Variants in VAV2 observed in about 807,000 individuals in gnomAD.
VAV2 encodes guanine nucleotide exchange factor VAV2.
In VAV2, 67 loss-of-function variants were observed where a neutral mutation model predicts 132.5. The ratio of observed to expected loss-of-function variants is 0.51; its 90% CI spans 0.42 to 0.62. The LOEUF (loss-of-function observed/expected upper bound fraction) is 0.62, where lower values mean the gene tolerates loss of function less well. Among genes scored for constraint, VAV2 ranks in the 20% least tolerant of loss-of-function variants. The pLI, the probability that VAV2 is intolerant of heterozygous loss-of-function variation, is 0.00. For missense variants in VAV2, 938 were observed against 1,153.6 expected (o/e 0.81, Z 2.71); for synonymous variants, 492 against 443.5 (o/e 1.11, Z -1.37).
intron 4 of VAV2, among the ~76,000 whole-genome samples, chr9:133,821,322 G>A (rs975552772): frequency 3.9e-5 from 6 of 152,248 alleles, no homozygotes; most frequent in Non-Finnish European, 8.8e-5. Context: ...CTTGTTGGCA[G>A]GAACTTGACT....
chr9:133,894,359 C>G (rs1478748615), intron 2 of VAV2, among the ~76,000 whole-genome samples: 1 of 152,228 alleles, frequency 6.6e-6, no homozygotes, highest in Non-Finnish European at 1.5e-5. Flanking sequence ...TCAACAAAGG[C>G]TGGTGACAGG....
intron 8 of VAV2, 115 bp from the exon 9 acceptor site, chr9:133,806,296 G>T: frequency 2.1e-6 from 2 of 951,004 alleles, no homozygotes; most frequent in Non-Finnish European, 3.2e-6. Context: ...GGAGGGGCCC[G>T]GGTGCTGGGC....
At chr9:133,814,059 C>G (rs1322924117) in intron 4 of VAV2, among the ~76,000 whole-genome samples, 2 of 152,270 alleles carry the variant, frequency 1.3e-5, no homozygotes, top group Middle Eastern at 3.4e-3. Flanking sequence ...CTCAGCCGTG[C>G]GGGAGAACTG....
intron 2 of VAV2, among the ~76,000 whole-genome samples, chr9:133,902,733 G>A (rs144506934): frequency 2.6e-3 from 389 of 152,290 alleles, no homozygotes; most frequent in African/African-American, 9.1e-3. Flanking sequence ...TTAAAATGTT[G>A]TCACTGGGGT....
intron 4 of VAV2, among the ~76,000 whole-genome samples, chr9:133,814,074 C>T (rs954221666): frequency 1.3e-4 from 20 of 152,306 alleles, no homozygotes; most frequent in African/African-American, 4.6e-4. Context: ...GAACTGAAGC[C>T]GGGGTAAAGG....
intron 1 of VAV2, among the ~76,000 whole-genome samples, chr9:133,941,895 C>A (rs927641735): frequency 6.6e-6 from 1 of 152,200 alleles, no homozygotes; most frequent in Non-Finnish European, 1.5e-5. Context: ...TGAGCCACCA[C>A]GCCAGGCCGT....
chr9:133,812,397 T>G (rs1220176809), intron 4 of VAV2, among the ~76,000 whole-genome samples, 181 bp from the exon 5 acceptor site: 1 of 152,216 alleles, frequency 6.6e-6, no homozygotes, highest in Non-Finnish European at 1.5e-5. Flanking sequence ...GGGTGCGAAC[T>G]GGGCAGCGTA....
intron 2 of VAV2, among the ~76,000 whole-genome samples, chr9:133,923,194 T>C (rs893091839): frequency 6.6e-6 from 1 of 151,950 alleles, no homozygotes; most frequent in Non-Finnish European, 1.5e-5. Flanking sequence ...AAGACACGTG[T>C]TGGTGAAGAT....
Position 133,992,285 on chromosome 9 carries a change from C to T in VAV2, c.-7G>A. On this transcript the variant is annotated 5_prime_UTR_variant, in exon 1 of 30. Transcript: ENST00000371850. This position sits in a 1 kb window ranked among gnomAD's most constrained non-coding sequence, Gnocchi z 5.5. ...ACTGCCGCCACTGCTCCATGGCGCCCGCGGGCCCGACCGGCTCAGGGCAGT... is the reference window on the plus strand; with the variant it reads ...ACTGCCGCCACTGCTCCATGGCGCCTGCGGGCCCGACCGGCTCAGGGCAGT... The T allele has an allele frequency of 6.5e-7, 1 of 1,534,192 alleles. No homozygotes were observed. Among genetic ancestry groups the T allele is most frequent in the Non-Finnish European group, 8.8e-7 (1 of 1,140,224 alleles).
At chr9:133,957,260 G>A (rs1414406689) in intron 1 of VAV2, among the ~76,000 whole-genome samples, 1 of 149,306 alleles carries the variant, frequency 6.7e-6, no homozygotes, top group African/African-American at 2.4e-5. Flanking sequence ...CTGCTCCCTG[G>A]GATGAAACGG....
chr9:133,802,876 G>A lies in VAV2; in HGVS notation c.836+3205C>T, dbSNP rs1834989545. Among the ~76,000 whole-genome samples the A allele has an allele frequency of 6.6e-6, 1 of 152,214 alleles. No homozygotes were observed. Among genetic ancestry groups the A allele is most frequent in the South Asian group, 2.1e-4 (1 of 4,838 alleles). ...GATGCAGGAACAAGCAAGGTGCACG[G>A]CTGAGCTGCCAGCTCTGGCCTCCGT... On this transcript the variant is annotated intron_variant, in intron 9 of 29. Transcript: ENST00000371850. The surrounding 1 kb of genome is among the most constrained non-coding windows in gnomAD (Gnocchi z 5.8).
intron 9 of VAV2, among the ~76,000 whole-genome samples, chr9:133,805,553 C>T (rs1296811052): frequency 2.6e-5 from 4 of 151,490 alleles, no homozygotes; most frequent in Non-Finnish European, 4.4e-5. Context: ...AGAAACGCCG[C>T]CTCCCCAACC....
At chr9:133,815,936 T>G (rs1835543004) in intron 4 of VAV2, among the ~76,000 whole-genome samples, 1 of 152,158 alleles carries the variant, frequency 6.6e-6, no homozygotes, top group African/African-American at 2.4e-5. Context: ...CTAAAGTGGG[T>G]GCATTCTACA....
In VAV2 at chr9:133,838,114, A is replaced by G. The variant is rs569237599; in HGVS notation, c.381-3774T>C. 2.6e-5 allele frequency among the ~76,000 whole-genome samples: 4 copies of G among 152,138 alleles called. No individual in the cohort carries two copies. In the South Asian group the frequency reaches 8.3e-4, roughly 32 times the overall value. On this transcript the variant is annotated intron_variant, in intron 3 of 29. Coordinates refer to ENST00000371850, the MANE Select transcript of VAV2 (RefSeq NM_001134398.2). ...AATAGAGGAGGCTTCACCAGGCCCC[A>G]GTCCCCTTTCACTCCGCTCCCCCCA...
intron 3 of VAV2, among the ~76,000 whole-genome samples, chr9:133,859,700 T>C (rs988943473): frequency 6.6e-6 from 1 of 150,954 alleles, no homozygotes; most frequent in East Asian, 1.9e-4. Context: ...TGTATTGTCA[T>C]GGGCTGGTGG....
intron 15 of VAV2, among the ~76,000 whole-genome samples, chr9:133,787,505 C>A (rs1052691150): frequency 6.6e-6 from 1 of 152,154 alleles, no homozygotes; most frequent in Non-Finnish European, 1.5e-5. Context: ...GGGAGGGTCA[C>A]CCTCAACAGC....
intron 18 of VAV2, 142 bp from the exon 19 acceptor site, chr9:133,783,733 T>C: frequency 1.4e-6 from 1 of 711,464 alleles, no homozygotes; most frequent in South Asian, 1.7e-5. Context: ...GCCCTGAGTA[T>C]CCAGGACCCT....
rs766275185 is a variant in VAV2, at chr9:133,770,372, C to T, written c.2347+6G>A. 6 of 1,613,800 alleles carry T rather than the reference C, an allele frequency of 3.7e-6. No individual in the cohort carries two copies. Among genetic ancestry groups the T allele is most frequent in the East Asian group, 2.2e-5 (1 of 44,884 alleles). ...TGCTGGTGTGCCGGCTGGGCCGGGG[C>T]GTTACCTGGGGACCGGCTGGAGGCC... On this transcript the variant is annotated splice_donor_region_variant and intron_variant, in intron 27 of 29. Transcript: ENST00000371850.
chr9:133,911,594 A>AC (rs1318699129), intron 2 of VAV2, among the ~76,000 whole-genome samples: 1 of 151,914 alleles, frequency 6.6e-6, no homozygotes, highest in Non-Finnish European at 1.5e-5. Context: ...CCCACTGGTG[A>AC]CCCCCCACTG....
Sources: allele counts gnomAD v4.1 joint callset (sites outside exome capture counted in the v4.1 genomes callset), GRCh38; gene constraint gnomAD v4.1.1; non-coding constraint Gnocchi (gnomAD v3.1); transcripts MANE v1.5; gene names NCBI Gene and HGNC (gene_info 2026-07-23, HGNC 2026-07-21).